Variants in NR3C2 observed in about 807,000 individuals in gnomAD.
NR3C2 encodes the protein nuclear receptor subfamily 3 group C member 2.
In NR3C2, 15 loss-of-function variants were observed where a neutral mutation model predicts 86.4. The ratio of observed to expected loss-of-function variants is 0.17; its 90% CI spans 0.12 to 0.27. The LOEUF is 0.27. Among genes scored for constraint, NR3C2 ranks in the 10% least tolerant of loss-of-function variants. The pLI, the probability that NR3C2 is intolerant of heterozygous loss-of-function variation, is 1.00. For synonymous variants in NR3C2, 458 were observed against 450.5 expected (o/e 1.02, Z -0.21); for missense variants, 960 against 1,195.6 (o/e 0.80, Z 2.91).
rs937338565 is a variant in NR3C2, at chr4:148,203,719, G to T, written c.1898-8857C>A. 2.0e-5 allele frequency among the ~76,000 whole-genome samples: 3 copies of T among 148,110 alleles called. No individual in the cohort carries two copies. In the East Asian group the frequency reaches 6.0e-4, roughly 30 times the overall value. On this transcript the variant is annotated intron_variant, in intron 3 of 8. Coordinates refer to ENST00000358102, the MANE Select transcript of NR3C2 (RefSeq NM_000901.5). ...TTAAGACGGTGTCCAACAAGAACTG[G>T]TTATTCATTGTTGGAGCCAACTAAA...
intron 4 of NR3C2, among the ~76,000 whole-genome samples, chr4:148,182,918 C>T (rs1735710456): frequency 6.6e-6 from 1 of 152,184 alleles, no homozygotes; most frequent in Non-Finnish European, 1.5e-5. Flanking sequence ...TTGCTGCACC[C>T]ATCAACTCGT....
At chr4:148,420,071 C>T (rs1035855738) in intron 2 of NR3C2, among the ~76,000 whole-genome samples, 8 of 152,132 alleles carry the variant, frequency 5.3e-5, no homozygotes, top group East Asian at 3.9e-4. Context: ...CGTCCACTCA[C>T]GTGAGCACAC....
intron 3 of NR3C2, among the ~76,000 whole-genome samples, chr4:148,200,194 C>T (rs915910228): frequency 2.6e-5 from 4 of 152,212 alleles, no homozygotes; most frequent in African/African-American, 9.6e-5. Context: ...GTAGCCCAGC[C>T]ACTTCCAGAG....
At chr4:148,351,973 T>C (rs778570453) in intron 2 of NR3C2, among the ~76,000 whole-genome samples, 2 of 152,136 alleles carry the variant, frequency 1.3e-5, no homozygotes, top group Non-Finnish European at 2.9e-5. Flanking sequence ...AAAAAGTAGG[T>C]AGATTAATGT....
At chr4:148,431,089 A>C (rs1450023251) in intron 2 of NR3C2, among the ~76,000 whole-genome samples, 1 of 152,192 alleles carries the variant, frequency 6.6e-6, no homozygotes, top group East Asian at 1.9e-4. Context: ...ATGTCAACAG[A>C]AATGCCCTGT....
chr4:148,247,534 T>G (rs1209274631), intron 3 of NR3C2, among the ~76,000 whole-genome samples: 1 of 151,770 alleles, frequency 6.6e-6, no homozygotes, highest in Non-Finnish European at 1.5e-5. Flanking sequence ...ATATGATGAG[T>G]CTGCTCTACA....
intron 3 of NR3C2, among the ~76,000 whole-genome samples, chr4:148,218,493 T>C (rs1737663965): frequency 6.6e-6 from 1 of 152,214 alleles, no homozygotes; most frequent in Admixed American, 6.5e-5. Flanking sequence ...TGGTTAACAT[T>C]TTGGTGTACT....
At chr4:148,319,017 G>A (rs577741443) in intron 2 of NR3C2, among the ~76,000 whole-genome samples, 9 of 151,814 alleles carry the variant, frequency 5.9e-5, no homozygotes, top group African/African-American at 2.2e-4. Context: ...TAGGTCTAAC[G>A]TTTAAGTCTT....
At chr4:148,135,822 C>T (rs1038538799) in intron 6 of NR3C2, among the ~76,000 whole-genome samples, 6 of 151,636 alleles carry the variant, frequency 4.0e-5, no homozygotes, top group African/African-American at 1.2e-4. Context: ...TTTGGGAGGC[C>T]GAGGCGGGCG....
intron 2 of NR3C2, among the ~76,000 whole-genome samples, chr4:148,393,802 C>T (rs1303308802): frequency 2.0e-5 from 3 of 152,132 alleles, no homozygotes; most frequent in Admixed American, 1.3e-4. Context: ...GAATAATTTT[C>T]GCTTCTTGAC....
intron 2 of NR3C2, among the ~76,000 whole-genome samples, chr4:148,376,690 C>G (rs969952276): frequency 6.6e-6 from 1 of 152,120 alleles, no homozygotes; most frequent in African/African-American, 2.4e-5. Flanking sequence ...CGTCCAAGGG[C>G]AGCTAAACCT....
chr4:148,185,546 A>G (rs1354950525), intron 4 of NR3C2, among the ~76,000 whole-genome samples: 1 of 152,202 alleles, frequency 6.6e-6, no homozygotes, highest in Non-Finnish European at 1.5e-5. Flanking sequence ...GGTACACAAC[A>G]CATGCTTCCA....
chr4:148,315,864 G>GT (rs1349495043), intron 2 of NR3C2, among the ~76,000 whole-genome samples: 1 of 152,100 alleles, frequency 6.6e-6, no homozygotes, highest in Non-Finnish European at 1.5e-5. Context: ...AATGCTGACA[G>GT]TAATGTAAAT....
chr4:148,185,563 T>C (rs192441806), intron 4 of NR3C2, among the ~76,000 whole-genome samples: 17 of 152,256 alleles, frequency 1.1e-4, no homozygotes, highest in African/African-American at 3.6e-4. Flanking sequence ...TCCATCACAA[T>C]ACAAAATTCA....
chr4:148,380,295 C>T (rs958435133), intron 2 of NR3C2, among the ~76,000 whole-genome samples: 1 of 152,194 alleles, frequency 6.6e-6, no homozygotes, highest in African/African-American at 2.4e-5. Flanking sequence ...ATCAGTACTT[C>T]ATCCACTTTT....
intron 3 of NR3C2, among the ~76,000 whole-genome samples, chr4:148,225,096 G>T (rs1411624745): frequency 6.6e-6 from 1 of 152,156 alleles, no homozygotes; most frequent in Non-Finnish European, 1.5e-5. Context: ...TAGAAGACAT[G>T]AAAATACTGC....
chr4:148,084,797 CAAAAT>C (rs1730737303), intron 8 of NR3C2, among the ~76,000 whole-genome samples: 1 of 151,970 alleles, frequency 6.6e-6, no homozygotes, highest in Non-Finnish European at 1.5e-5. Flanking sequence ...CATATAGTCT[CAAAAT>C]AAAGGGATGG....
upstream of NR3C2, chr4:148,442,486 A>T (rs1453436365): frequency 4.3e-6 from 1 of 232,506 alleles, no homozygotes; most frequent in Non-Finnish European, 7.1e-6. Context: ...GAAAGCCCGG[A>T]GGGGGAGTGG....
Position 148,110,360 on chromosome 4 carries a change from G to A in NR3C2, c.2799+3744C>T, listed in dbSNP as rs561833759. Among the ~76,000 whole-genome samples, 23 of 152,318 alleles carry A rather than the reference G, an allele frequency of 1.5e-4. No individual in the cohort carries two copies. In the South Asian group the frequency reaches 4.8e-3, roughly 32 times the overall value. On this transcript the variant is annotated intron_variant, in intron 8 of 8. Transcript: ENST00000358102. The stretch of plus-strand genomic sequence containing the variant: ...TGAGAGCTGGCATACTACACACATG[G>A]TTTAAGCAGAACTTTGATCTACAGT...
Sources: gnomAD v4.1 joint callset for allele counts (sites outside exome capture counted in the v4.1 genomes callset) on GRCh38, gnomAD v4.1.1 for gene constraint, MANE v1.5 for transcripts, NCBI Gene and HGNC (gene_info 2026-07-23, HGNC 2026-07-21) for gene names.